TNRC6B: variants seen among roughly 807,000 people sequenced by gnomAD.
TNRC6B encodes the protein trinucleotide repeat-containing gene 6B protein.
TNRC6B carries 52 observed loss-of-function variants against 203.6 expected under a neutral mutation model. The ratio of observed to expected loss-of-function variants is 0.26; its 90% confidence interval spans 0.20 to 0.32. TNRC6B has a LOEUF of 0.32. Ranked by LOEUF, TNRC6B falls within the 10% of genes least tolerant of loss-of-function variation. The pLI, the probability that TNRC6B is intolerant of heterozygous loss-of-function variation, is 1.00. For missense variants in TNRC6B, 1,923 were observed against 2,286.2 expected, an observed-to-expected ratio of 0.84 and a Z score of 3.24; for synonymous variants, 838 against 845.7, an observed-to-expected ratio of 0.99 and a Z score of 0.16.
chr22:40,077,584 A>C (rs949355012), intron 1 of TNRC6B, among the ~76,000 whole-genome samples: 4 of 152,174 alleles, frequency 2.6e-5, no homozygotes, highest in Non-Finnish European at 5.9e-5. Context: ...GGCTACAAGC[A>C]GTTTTTCATT....
At chr22:40,205,709 G>A (rs1263775098) in intron 1 of TNRC6B, among the ~76,000 whole-genome samples, 1 of 152,184 alleles carries the variant, frequency 6.6e-6, no homozygotes, top group Non-Finnish European at 1.5e-5. Flanking sequence ...CTTTAAAAAT[G>A]TAATTGAAAG....
At position 40,265,539 on chromosome 22, in the gene TNRC6B, G is replaced by C; in HGVS notation, c.1309G>C (p.Val437Leu). ...AARGPSGTDT[V>L]SGQSNSGNNG... is the part of the protein sequence containing the mutation. ...TAGGGGGCCTTCTGGAACTGACACA[G>C]TCTCTGGACAAAGCAATTCTGGAAA... Residue 437 changes from valine (V) to leucine (L), a missense_variant, in exon 5 of 23, where the codon GTC (valine) becomes CTC (leucine). Coordinates refer to ENST00000454349, the MANE Select transcript of TNRC6B (RefSeq NM_001162501.2). 6.2e-7 allele frequency: 1 copy of C among 1,613,900 alleles called. No individual in the cohort carries two copies. Among genetic ancestry groups the C allele is most frequent in the Non-Finnish European group, 8.5e-7 (1 of 1,179,872 alleles).
chr22:40,315,183 T>C, intron 19 of TNRC6B, 100 bp from the exon 20 acceptor site: 1 of 853,336 alleles, frequency 1.2e-6, no homozygotes, highest in African/African-American at 1.7e-5. Context: ...AGAATATAAA[T>C]GTGCATGTAT....
chr22:40,141,229 A>C, intron 3 of TNRC6B, among the ~76,000 whole-genome samples: 1 of 44,608 alleles, frequency 2.2e-5, no homozygotes, highest in Non-Finnish European at 4.0e-5. Context: ...TTTTTTTTTG[A>C]GATGGCCTCA....
intron 19 of TNRC6B, among the ~76,000 whole-genome samples, 172 bp downstream of exon 19, chr22:40,313,169 C>T (rs1412713193): frequency 1.3e-5 from 2 of 152,208 alleles, no homozygotes; most frequent in Non-Finnish European, 2.9e-5. Context: ...TGAGGAACTT[C>T]TAGTCTCAGG....
At chr22:40,130,470 A>G (rs1206003910) in intron 3 of TNRC6B, among the ~76,000 whole-genome samples, 1 of 152,144 alleles carries the variant, frequency 6.6e-6, no homozygotes, top group Non-Finnish European at 1.5e-5. Context: ...AGTTGTAGCG[A>G]AGGTGCTAAG....
At chr22:40,181,357 C>T (rs1333307991) in intron 1 of TNRC6B, among the ~76,000 whole-genome samples, 2 of 152,092 alleles carry the variant, frequency 1.3e-5, no homozygotes, top group Non-Finnish European at 2.9e-5. Context: ...CCCTACCCAG[C>T]TGCTCCTCAC....
At chr22:40,103,328 A>T (rs1436731442) in intron 1 of TNRC6B, among the ~76,000 whole-genome samples, 1 of 151,008 alleles carries the variant, frequency 6.6e-6, no homozygotes, top group Non-Finnish European at 1.5e-5. Context: ...GTTTTAGAAC[A>T]TTTCCGTCAA....
intron 1 of TNRC6B, among the ~76,000 whole-genome samples, chr22:40,184,190 G>A (rs1333040519): frequency 6.6e-6 from 1 of 152,118 alleles, no homozygotes; most frequent in Non-Finnish European, 1.5e-5. Flanking sequence ...CACATGCCAG[G>A]TGTTGATAAG....
rs73165092 is a variant in TNRC6B, at chr22:40,285,183, T to C, written c.3583-462T>C. On this transcript the variant is annotated intron_variant, in intron 11 of 22. Coordinates refer to ENST00000454349, the MANE Select transcript of TNRC6B (RefSeq NM_001162501.2). ...TCCAGGACAAGGAAGGGTGCTAGGC[T>C]CACTCTTGGACGGCAGAGAAATCAC... Among the ~76,000 whole-genome samples the C allele has an allele frequency of 3.7e-3, 557 of 152,316 alleles. 3 individuals carry two copies. Among genetic ancestry groups the C allele is most frequent in the Non-Finnish European group, 6.5e-3 (442 of 68,016 alleles).
At chr22:40,132,562 T>C (rs1038487380) in intron 3 of TNRC6B, among the ~76,000 whole-genome samples, 12 of 140,046 alleles carry the variant, frequency 8.6e-5, no homozygotes, top group Non-Finnish European at 1.9e-4. Flanking sequence ...GGAGAATTGC[T>C]TGAACATGGG....
chr22:40,217,195 A>G lies in TNRC6B; in HGVS notation c.6-28820A>G, dbSNP rs182972211. On this transcript the variant is annotated intron_variant, in intron 1 of 22. Coordinates refer to ENST00000454349, the MANE Select transcript of TNRC6B (RefSeq NM_001162501.2). ...CTTCATTACTGCATCATTAGCATCA[A>G]CCTTTTTTGTAGTGAATAAAAAAGT... is the stretch of plus-strand genomic sequence containing the variant. 6.0e-4 allele frequency among the ~76,000 whole-genome samples: 92 copies of G among 152,280 alleles called. 1 individual carries two copies. The highest frequency in any genetic ancestry group is 8.7e-4 in the Non-Finnish European group (59 of 68,030).
rs371467038 is a variant in TNRC6B at position 40,244,716 on chromosome 22, G to T, written c.6-1299G>T. 2.0e-3 allele frequency among the ~76,000 whole-genome samples: 297 copies of T among 152,262 alleles called. 10 individuals are homozygous for T. In the South Asian group the frequency reaches 0.059, roughly 30 times the overall value. ...CTGTGAAACCATGGATTTGTTATCT[G>T]TTCGGTATTCTGAGGCCCTGGGAAC... On this transcript the variant is annotated intron_variant, in intron 1 of 22. Coordinates refer to ENST00000454349, the MANE Select transcript of TNRC6B (RefSeq NM_001162501.2).
intron 1 of TNRC6B, among the ~76,000 whole-genome samples, chr22:40,068,308 T>C (rs1601795694): frequency 6.6e-6 from 1 of 152,006 alleles, no homozygotes; most frequent in Non-Finnish European, 1.5e-5. Flanking sequence ...ACTTACGTGG[T>C]TTGTTCTTTT....
At chr22:40,129,269 A>C (rs569929160) in intron 3 of TNRC6B, among the ~76,000 whole-genome samples, 5 of 152,212 alleles carry the variant, frequency 3.3e-5, no homozygotes, top group Non-Finnish European at 7.3e-5. Flanking sequence ...CTCCATGCCT[A>C]GGGCAGCCAT....
chr22:40,298,476 TTGTC>T (rs1436447655), intron 12 of TNRC6B, among the ~76,000 whole-genome samples: 2 of 152,224 alleles, frequency 1.3e-5, no homozygotes, highest in Non-Finnish European at 2.9e-5. Context: ...ACTGTAATCA[TTGTC>T]TGAAGACATT....
intron 1 of TNRC6B, among the ~76,000 whole-genome samples, chr22:40,226,764 A>G (rs562995631): frequency 3.9e-5 from 6 of 152,074 alleles, no homozygotes; most frequent in Non-Finnish European, 2.9e-5. Flanking sequence ...ATTTAGCTCC[A>G]TTTCTTCTGT....
intron 15 of TNRC6B, among the ~76,000 whole-genome samples, chr22:40,305,617 C>T (rs768117593): frequency 6.6e-6 from 1 of 152,162 alleles, no homozygotes; most frequent in Non-Finnish European, 1.5e-5. Context: ...TGTCCGTCTT[C>T]GCCTGATTTT....
intron 12 of TNRC6B, among the ~76,000 whole-genome samples, chr22:40,293,808 G>C (rs975212276): frequency 6.6e-6 from 1 of 152,054 alleles, no homozygotes; most frequent in Non-Finnish European, 1.5e-5. Flanking sequence ...TTTGAGCGCA[G>C]TTAATATATA....
Sources: allele counts gnomAD v4.1 joint callset (sites outside exome capture counted in the v4.1 genomes callset), GRCh38; gene constraint gnomAD v4.1.1; transcripts MANE v1.5; gene names NCBI Gene and HGNC (gene_info 2026-07-23, HGNC 2026-07-21).